GABRG3: variants seen among roughly 807,000 people sequenced by gnomAD.
The protein encoded by GABRG3 is gamma-aminobutyric acid receptor subunit gamma-3.
A neutral mutation model predicts 48.8 loss-of-function variants in GABRG3; 25 were observed. That is an observed-to-expected ratio of 0.51 (90% CI 0.37 to 0.72). The LOEUF is 0.72. GABRG3 is among the 30% of genes least tolerant of loss of function. GABRG3 has a pLI of 0.00. For missense variants in GABRG3, 394 were observed against 577.9 expected, an observed-to-expected ratio of 0.68 and a Z score of 3.26; for synonymous variants, 227 against 217.6, an observed-to-expected ratio of 1.04 and a Z score of -0.38.
At chr15:27,250,530 G>T (rs1160570267) in intron 3 of GABRG3, among the ~76,000 whole-genome samples, 1 of 152,052 alleles carries the variant, frequency 6.6e-6, no homozygotes, top group Admixed American at 6.6e-5. Context: ...GGGCTCAAGC[G>T]ATTCTCCTGC....
intron 5 of GABRG3, among the ~76,000 whole-genome samples, chr15:27,374,900 G>T (rs1895541705): frequency 6.6e-6 from 1 of 152,144 alleles, no homozygotes; most frequent in South Asian, 2.1e-4. Context: ...AAAGGCAGAT[G>T]AATAGGAAAA....
At chr15:27,153,737 C>A (rs1898366352) in intron 3 of GABRG3, among the ~76,000 whole-genome samples, 1 of 151,812 alleles carries the variant, frequency 6.6e-6, no homozygotes, top group Admixed American at 6.6e-5. Flanking sequence ...TTCTCTTATT[C>A]TTTGGTGTTC....
intron 2 of GABRG3, among the ~76,000 whole-genome samples, chr15:27,018,001 C>T (rs1319280551): frequency 6.6e-6 from 1 of 152,182 alleles, no homozygotes; most frequent in Non-Finnish European, 1.5e-5. Flanking sequence ...CACAGCTCTG[C>T]TGGTCAGTGC....
At chr15:27,279,969 C>A (rs1891381658) in intron 3 of GABRG3, among the ~76,000 whole-genome samples, 2 of 152,042 alleles carry the variant, frequency 1.3e-5, no homozygotes, top group Admixed American at 1.3e-4. Context: ...TAGATTTTGA[C>A]ATTTTTAAAG....
chr15:27,490,366 T>G (rs1890319246), intron 6 of GABRG3, among the ~76,000 whole-genome samples: 1 of 152,192 alleles, frequency 6.6e-6, no homozygotes, highest in Non-Finnish European at 1.5e-5. Context: ...GGAGGCTGGC[T>G]GCCTAGGTGG....
chr15:27,408,312 A>G (rs1887698395), intron 5 of GABRG3, among the ~76,000 whole-genome samples: 2 of 152,182 alleles, frequency 1.3e-5, no homozygotes, highest in African/African-American at 2.4e-5. Flanking sequence ...AAGAGCCCCC[A>G]GATGTATTGA....
At chr15:27,089,037 G>A (rs1164618345) in intron 3 of GABRG3, among the ~76,000 whole-genome samples, 1 of 152,146 alleles carries the variant, frequency 6.6e-6, no homozygotes, top group Admixed American at 6.5e-5. Flanking sequence ...CCCTGAGCAG[G>A]GCGTCTGAGA....
chr15:27,064,315 C>T (rs984674534), intron 3 of GABRG3, among the ~76,000 whole-genome samples: 2 of 152,184 alleles, frequency 1.3e-5, no homozygotes, highest in African/African-American at 2.4e-5. Flanking sequence ...GGGTCTTGAC[C>T]ATCAGGTGTG....
chr15:27,264,001 C>T (rs562463566), intron 3 of GABRG3, among the ~76,000 whole-genome samples: 1 of 151,880 alleles, frequency 6.6e-6, no homozygotes, highest in African/African-American at 2.4e-5. Context: ...GAACATATAC[C>T]GGGGAGACGT....
intron 3 of GABRG3, among the ~76,000 whole-genome samples, chr15:27,081,167 G>A (rs1896986940): frequency 6.6e-6 from 1 of 152,162 alleles, no homozygotes; most frequent in Admixed American, 6.5e-5. Context: ...GTGAGTGTTG[G>A]TTATAGTAAA....
intron 2 of GABRG3, among the ~76,000 whole-genome samples, chr15:27,000,415 T>C (rs1436709655): frequency 1.3e-5 from 2 of 152,200 alleles, no homozygotes; most frequent in Admixed American, 1.3e-4. Flanking sequence ...AAGATTTTCC[T>C]GAGTACTCTA....
intron 3 of GABRG3, among the ~76,000 whole-genome samples, chr15:27,036,565 C>T (rs1896182493): frequency 6.6e-6 from 1 of 152,144 alleles, no homozygotes. Flanking sequence ...TGGCATGCAC[C>T]TGTAATCCCA....
rs569751797 is a variant in GABRG3 at position 27,180,992 on chromosome 15, C to T, written c.271-145817C>T. ...AATTGTGCTGACTTCTTAGGAGGGC[C>T]GTAGTTCACAACTTCATGAGATGGC... On this transcript the variant is annotated intron_variant, in intron 3 of 9. Coordinates refer to ENST00000615808, the MANE Select transcript of GABRG3 (RefSeq NM_033223.5). The surrounding 1 kb of genome is among the most constrained non-coding windows in gnomAD (Gnocchi z 4.2). Among the ~76,000 whole-genome samples the T allele has an allele frequency of 4.6e-5, 7 of 152,202 alleles. No individual in the cohort carries two copies. In the East Asian group the frequency reaches 1.4e-3, roughly 29 times the overall value.
At chr15:27,256,223 A>G (rs565209297) in intron 3 of GABRG3, among the ~76,000 whole-genome samples, 10 of 152,100 alleles carry the variant, frequency 6.6e-5, no homozygotes, top group African/African-American at 9.6e-5. Flanking sequence ...CGGGCGGATC[A>G]GGAGGTCAGG....
intron 3 of GABRG3, among the ~76,000 whole-genome samples, chr15:27,173,595 G>A (rs1887642899): frequency 6.6e-6 from 1 of 151,702 alleles, no homozygotes; most frequent in Admixed American, 6.6e-5. Context: ...TTTAGACCAG[G>A]CATGGTGCCT....
chr15:27,392,944 A>G (rs1233743832), intron 5 of GABRG3, among the ~76,000 whole-genome samples: 3 of 152,102 alleles, frequency 2.0e-5, no homozygotes, highest in Non-Finnish European at 4.4e-5. Context: ...TCTTTCTTAC[A>G]TTCTGGCATT....
At chr15:27,431,842 C>T (rs1214968769) in intron 5 of GABRG3, among the ~76,000 whole-genome samples, 1 of 152,188 alleles carries the variant, frequency 6.6e-6, no homozygotes, top group Non-Finnish European at 1.5e-5. Context: ...ACCAACCTTG[C>T]ATTCACGCTC....
intron 3 of GABRG3, among the ~76,000 whole-genome samples, chr15:27,272,951 C>G (rs956756132): frequency 1.3e-5 from 2 of 152,180 alleles, no homozygotes; most frequent in Non-Finnish European, 2.9e-5. Context: ...AATATTTGGT[C>G]TGTTGCCGCC....
At chr15:27,018,858 A>G (rs191987553) in intron 2 of GABRG3, among the ~76,000 whole-genome samples, 1 of 152,242 alleles carries the variant, frequency 6.6e-6, no homozygotes, top group Admixed American at 6.5e-5. Flanking sequence ...CTTAGTCCCC[A>G]TAATAGTATT....
Sources: gnomAD v4.1 joint callset for allele counts (sites outside exome capture counted in the v4.1 genomes callset) on GRCh38, gnomAD v4.1.1 for gene constraint, Gnocchi (gnomAD v3.1) non-coding constraint, MANE v1.5 for transcripts, NCBI Gene and HGNC (gene_info 2026-07-23, HGNC 2026-07-21) for gene names.